Variants in TNR observed in about 807,000 individuals in gnomAD.
TNR encodes the protein tenascin R, also known as tenascin-R.
A neutral mutation model predicts 150.4 loss-of-function variants in TNR; 45 were observed. The observed-to-expected ratio is 0.30, with a 90% CI of 0.24 to 0.38. The LOEUF (loss-of-function observed/expected upper bound fraction) is 0.38, where lower values mean the gene tolerates loss of function less well. TNR is among the 10% of genes least tolerant of loss of function. The pLI is 1.00. For missense variants in TNR, 1,544 were observed against 1,759.1 expected (o/e 0.88, Z 2.19); for synonymous variants, 687 against 678.4 (o/e 1.01, Z -0.20).
chr1:175,384,558 C>G (rs140348468), intron 8 of TNR, among the ~76,000 whole-genome samples: 1 of 152,322 alleles, frequency 6.6e-6, no homozygotes, highest in Non-Finnish European at 1.5e-5. Flanking sequence ...AAGGGGGAAG[C>G]TTTTCCCTGC....
intron 2 of TNR, among the ~76,000 whole-genome samples, chr1:175,518,482 C>T (rs983710386): frequency 2.0e-5 from 3 of 152,126 alleles, no homozygotes; most frequent in South Asian, 4.2e-4. Flanking sequence ...TCATCTTTTC[C>T]ATTAATGTCA....
chr1:175,374,054 C>G (rs1652251823), intron 9 of TNR, among the ~76,000 whole-genome samples: 1 of 152,208 alleles, frequency 6.6e-6, no homozygotes, highest in Non-Finnish European at 1.5e-5. Context: ...GGCCCTGTGC[C>G]TGGTCCTTTC....
chr1:175,703,715 A>C (rs1180448553), intron 1 of TNR, among the ~76,000 whole-genome samples: 1 of 152,252 alleles, frequency 6.6e-6, no homozygotes, highest in Non-Finnish European at 1.5e-5. Context: ...ACCAATAAAC[A>C]TATGAAAAGA....
chr1:175,449,412 T>C (rs1421177352), intron 2 of TNR, among the ~76,000 whole-genome samples: 1 of 152,168 alleles, frequency 6.6e-6, no homozygotes, highest in East Asian at 1.9e-4. Flanking sequence ...CAGGATGTCT[T>C]AAGGGCCATC....
intron 1 of TNR, among the ~76,000 whole-genome samples, chr1:175,634,282 C>T (rs1483987353): frequency 6.6e-6 from 1 of 152,188 alleles, no homozygotes; most frequent in East Asian, 1.9e-4. Flanking sequence ...ATGCTCACTT[C>T]TCTTGTCACC....
At chr1:175,456,153 A>G (rs148540785) in intron 2 of TNR, among the ~76,000 whole-genome samples, 1 of 152,056 alleles carries the variant, frequency 6.6e-6, no homozygotes, top group Admixed American at 6.6e-5. Context: ...ACGCCAGGCA[A>G]GTTTCTGCCC....
intron 2 of TNR, among the ~76,000 whole-genome samples, chr1:175,507,561 C>G (rs936774149): frequency 6.6e-6 from 1 of 151,756 alleles, no homozygotes; most frequent in Non-Finnish European, 1.5e-5. Flanking sequence ...TTCCCTGTCC[C>G]CCTACCTGAC....
intron 16 of TNR, 90 bp downstream of exon 16, chr1:175,356,229 T>C (rs1651319283): frequency 6.5e-7 from 1 of 1,542,294 alleles, no homozygotes; most frequent in African/African-American, 1.4e-5. Flanking sequence ...GTCCAAAGCC[T>C]GTAAGTGATA....
intron 2 of TNR, among the ~76,000 whole-genome samples, chr1:175,502,775 A>C (rs914987320): frequency 6.6e-6 from 1 of 152,202 alleles, no homozygotes; most frequent in Non-Finnish European, 1.5e-5. Flanking sequence ...GATGAAAGTG[A>C]GGCTGTTGAA....
intron 1 of TNR, among the ~76,000 whole-genome samples, chr1:175,669,725 C>G (rs1273017620): frequency 6.6e-6 from 1 of 152,202 alleles, no homozygotes; most frequent in Non-Finnish European, 1.5e-5. Context: ...AGAATCAGAG[C>G]TGGCTGCAGG....
At chr1:175,646,007 A>T (rs1664800552) in intron 1 of TNR, among the ~76,000 whole-genome samples, 1 of 152,244 alleles carries the variant, frequency 6.6e-6, no homozygotes, top group Non-Finnish European at 1.5e-5. Context: ...ATTTAGACAA[A>T]GATAATTTTT....
At chr1:175,552,048 G>A (rs139589099) in intron 1 of TNR, among the ~76,000 whole-genome samples, 1,594 of 152,278 alleles carry the variant, frequency 0.01, 68 homozygotes, top group Admixed American at 0.083. Context: ...TAAAATAAAT[G>A]GCTAAAAGTT....
At position 175,359,702 on chromosome 1, in the gene TNR, T is replaced by C. The variant is rs747695469; in HGVS notation, c.2884A>G (p.Thr962Ala). The C allele has an allele frequency of 1.9e-6, 3 of 1,613,516 alleles. No homozygotes were observed. Among genetic ancestry groups the C allele is most frequent in the African/African-American group, 1.3e-5 (1 of 74,890 alleles). Residue 962 changes from threonine to alanine, a missense_variant, in exon 15 of 23, where the codon ACC (threonine) becomes GCC (alanine). This residue lies in a region of TNR where 1,254 missense variants were observed against 1,329.4 expected (regional missense o/e 0.94). Coordinates refer to ENST00000367674, the MANE Select transcript of TNR (RefSeq NM_003285.3). ...AGGGCTTCTGTTGGAGTGATATTGGTAGCAATCAGATCCACAGGGTTGTCC... is the reference window on the plus strand; with the variant it reads ...AGGGCTTCTGTTGGAGTGATATTGGCAGCAATCAGATCCACAGGGTTGTCC... ...AMDNPVDLIA[T>A]NITPTEALLQ...
chr1:175,362,577 C>A, intron 14 of TNR, 86 bp downstream of exon 14: 3 of 1,541,890 alleles, frequency 1.9e-6, no homozygotes, highest in Non-Finnish European at 2.6e-6. Flanking sequence ...GAGCCTTAGC[C>A]TCCAGAACCT....
At chr1:175,451,373 C>CT (rs1308775460) in intron 2 of TNR, among the ~76,000 whole-genome samples, 1 of 152,152 alleles carries the variant, frequency 6.6e-6, no homozygotes, top group African/African-American at 2.4e-5. Context: ...CTTCCCCCTT[C>CT]CCCCACCCCA....
chr1:175,636,534 G>A (rs1279423034), intron 1 of TNR, among the ~76,000 whole-genome samples: 1 of 152,088 alleles, frequency 6.6e-6, no homozygotes, highest in Non-Finnish European at 1.5e-5. Context: ...GCTTTTCCTA[G>A]ATTCTCTTGT....
At chr1:175,590,270 C>T (rs894201844) in intron 1 of TNR, among the ~76,000 whole-genome samples, 1 of 152,126 alleles carries the variant, frequency 6.6e-6, no homozygotes, top group African/African-American at 2.4e-5. Flanking sequence ...CTATGTTGTA[C>T]ATCTTAAATT....
At chr1:175,709,296 C>CACACACACAT (rs1293548471) in intron 1 of TNR, among the ~76,000 whole-genome samples, 4 of 143,410 alleles carry the variant, frequency 2.8e-5, no homozygotes, top group African/African-American at 5.7e-5. Context: ...CTTGCTTTCA[C>CACACACACAT]ACACACACAC....
chr1:175,521,792 C>A (rs1221561485), intron 2 of TNR, among the ~76,000 whole-genome samples: 1 of 152,178 alleles, frequency 6.6e-6, no homozygotes, highest in Non-Finnish European at 1.5e-5. Flanking sequence ...TCCTCCTCTC[C>A]CATGAACCCT....
Sources: allele counts gnomAD v4.1 joint callset (sites outside exome capture counted in the v4.1 genomes callset), GRCh38; gene constraint gnomAD v4.1.1; regional missense constraint gnomAD v4.1.1; transcripts MANE v1.5; gene names NCBI Gene and HGNC (gene_info 2026-07-23, HGNC 2026-07-21).